Variants in ABCC9 observed in about 807,000 individuals in gnomAD.
ABCC9 encodes ATP binding cassette subfamily C member 9, also known as ATP-binding cassette sub-family C member 9.
Under a neutral mutation model 188.3 loss-of-function variants are expected in ABCC9, and 95 were observed. The ratio of observed to expected loss-of-function variants is 0.50; its 90% CI spans 0.43 to 0.60. The LOEUF (loss-of-function observed/expected upper bound fraction) is 0.60. ABCC9 is among the 20% of genes least tolerant of loss of function. The pLI, the probability that ABCC9 is intolerant of heterozygous loss-of-function variation, is 0.00. For synonymous variants in ABCC9, 659 were observed against 652.7 expected, an observed-to-expected ratio of 1.01 and a Z score of -0.15; for missense variants, 1,102 against 1,876.3, an observed-to-expected ratio of 0.59 and a Z score of 7.62.
Position 21,906,163 on chromosome 12 carries a change from A to T in ABCC9, c.1581T>A (p.Ser527=). 1.2e-6 allele frequency: 2 copies of T among 1,613,224 alleles called. No homozygotes were observed. The highest frequency in any genetic ancestry group is 1.1e-5 in the South Asian group (1 of 91,066). The change falls in exon 12 of 40, where the codon TCT becomes TCA. Residue 527 remains serine, a synonymous_variant. Transcript: ENST00000261200. The part of the protein sequence containing the change: ...SVEETRMKEL[S]SLKTFALYTS... ...TATATAGTGCAAAGGTTTTGAGACT[A>T]GATAGTTCTTTCATTCTTGTTTCCT... is the stretch of plus-strand genomic sequence containing the variant.
At chr12:21,817,676 C>T (rs1194496540) in intron 32 of ABCC9, among the ~76,000 whole-genome samples, 1 of 152,164 alleles carries the variant, frequency 6.6e-6, no homozygotes, top group African/African-American at 2.4e-5. Context: ...GGAGAGTACT[C>T]TGACCACAAG....
In ABCC9 at chr12:21,799,408, G is replaced by C. The variant is rs1941328841; in HGVS notation, c.*1636C>G. ...TTTTAGGAGAGTGGTTGAATTTTTA[G>C]AAAATATTTGCAAGACATAATTAAT... On this transcript the variant is annotated 3_prime_UTR_variant, in exon 40 of 40. Transcript: ENST00000261200. The C allele has an allele frequency of 6.6e-6, 1 of 152,050 alleles. No homozygotes were observed. The highest frequency in any genetic ancestry group is 2.4e-5 in the African/African-American group (1 of 41,418). The allele number at this position is 152,050 out of a possible 1,614,324, so 9.4% of individuals were successfully genotyped here. A position where few individuals can be genotyped will look rare whatever the true frequency, so the allele number is the denominator to read the frequency against.
chr12:21,910,405 T>G, intron 9 of ABCC9, 93 bp from the exon 10 acceptor site: 4 of 1,304,332 alleles, frequency 3.1e-6, no homozygotes, highest in Non-Finnish European at 4.2e-6. Context: ...AACATTTAAT[T>G]TTTTTGAGAA....
At chr12:21,882,691 C>G in intron 16 of ABCC9, 75 bp downstream of exon 16, 1 of 1,342,192 alleles carries the variant, frequency 7.5e-7, no homozygotes, top group Non-Finnish European at 1.1e-6. Context: ...ATTTGGGACA[C>G]TTTCACAGAA....
chr12:21,861,921 A>G (rs1243283713), intron 20 of ABCC9, among the ~76,000 whole-genome samples: 2 of 152,138 alleles, frequency 1.3e-5, no homozygotes, highest in East Asian at 3.9e-4. Flanking sequence ...CCTCAAGTTC[A>G]TATAAGGCTG....
intron 36 of ABCC9, among the ~76,000 whole-genome samples, chr12:21,811,402 T>C (rs1048742318): frequency 6.6e-6 from 1 of 152,116 alleles, no homozygotes; most frequent in Non-Finnish European, 1.5e-5. Context: ...CAAACTTCAG[T>C]TGGAATAGCA....
At chr12:21,879,656 A>T (rs1439587608) in intron 16 of ABCC9, among the ~76,000 whole-genome samples, 6 of 152,128 alleles carry the variant, frequency 3.9e-5, no homozygotes. Context: ...GGCAGGGCAC[A>T]CACAGACCAT....
intron 22 of ABCC9, among the ~76,000 whole-genome samples, chr12:21,853,434 A>G (rs564527271): frequency 6.6e-6 from 1 of 152,234 alleles, no homozygotes; most frequent in African/African-American, 2.4e-5. Flanking sequence ...TTAGTATGGT[A>G]GTGGGTATAT....
intron 5 of ABCC9, chr12:21,924,122 A>G (rs1948953819): frequency 3.0e-6 from 1 of 335,294 alleles, no homozygotes; most frequent in Admixed American, 4.7e-5. Flanking sequence ...TGAGTATAAG[A>G]AAATTTGCAT....
chr12:21,906,722 T>C (rs1421426543), intron 11 of ABCC9, among the ~76,000 whole-genome samples: 1 of 152,114 alleles, frequency 6.6e-6, no homozygotes, highest in Non-Finnish European at 1.5e-5. Flanking sequence ...TAAGAAAAGT[T>C]AGTGGGCTTC....
rs548374474 is a variant in ABCC9, at chr12:21,811,091, C to G, written c.4211+958G>C. Among the ~76,000 whole-genome samples, 9 of 152,248 alleles carry G rather than the reference C, an allele frequency of 5.9e-5. No individual in the cohort carries two copies. In the South Asian group the frequency reaches 1.9e-3, roughly 32 times the overall value. ...GGGACCTGGTGGGAGCTGATTAGAT[C>G]ACTGGGGCAGTTTCCCCCATGCTGT... On this transcript the variant is annotated intron_variant, in intron 36 of 39. Transcript: ENST00000261200.
Position 21,913,069 on chromosome 12 carries a change from G to GA in ABCC9, c.817-4dup, listed in dbSNP as rs1592219012. The GA allele has an allele frequency of 7.9e-6, 12 of 1,511,742 alleles. No homozygotes were observed. Among genetic ancestry groups the GA allele is most frequent in the Admixed American group, 6.4e-5 (3 of 46,878 alleles). The allele number at this position is 1,511,742 out of a possible 1,614,324, so 93.6% of individuals were successfully genotyped here. Reference sequence around the variant, plus strand: ...TTTGGATGATCTGCAACTTTTTTCTGAAGAAAAAAAAAAGAAAAAAAAAAC... The same window carrying GA: ...TTTGGATGATCTGCAACTTTTTTCTGAAAGAAAAAAAAAAGAAAAAAAAAAC... On this transcript the variant is annotated splice_region_variant and splice_polypyrimidine_tract_variant and intron_variant, in intron 7 of 39. Coordinates refer to ENST00000261200, the MANE Select transcript of ABCC9 (RefSeq NM_020297.4).
chr12:21,822,160 A>G (rs1162389552), intron 31 of ABCC9, among the ~76,000 whole-genome samples: 1 of 152,158 alleles, frequency 6.6e-6, no homozygotes, highest in Non-Finnish European at 1.5e-5. Flanking sequence ...TTGAAAGCCA[A>G]TATATCTGTA....
intron 4 of ABCC9, among the ~76,000 whole-genome samples, chr12:21,928,134 C>T (rs117769801): frequency 6.6e-6 from 1 of 151,420 alleles, no homozygotes; most frequent in Non-Finnish European, 1.5e-5. Flanking sequence ...GCAGGAGGAT[C>T]GCTTGGACCT....
In ABCC9 at chr12:21,915,660, T is replaced by C. The variant is rs775621943; in HGVS notation, c.816+8A>G. 5 of 1,611,716 alleles carry C rather than the reference T, an allele frequency of 3.1e-6. No homozygotes were observed. The East Asian group carries it at 8.9e-5, about 29-fold the overall frequency. ...AATTAAGCACATGGAAGACAGACGC[T>C]AAATCACCTTTTGTTCTTCATATGC... On this transcript the variant is annotated splice_region_variant and intron_variant, in intron 7 of 39. Transcript: ENST00000261200.
Position 21,842,466 on chromosome 12 carries a change from G to A in ABCC9, c.3321C>T (p.Ile1107=), listed in dbSNP as rs35404804. The A allele has an allele frequency of 2.1e-3, 3,403 of 1,613,962 alleles. 58 individuals are homozygous for A. The African/African-American group carries it at 0.04, about 19-fold the overall frequency. Residue 1107 remains isoleucine (I), a synonymous_variant, in exon 29 of 40, where the codon ATC becomes ATT. Coordinates refer to ENST00000261200, the MANE Select transcript of ABCC9 (RefSeq NM_020297.4). ...SADTNIIDQH[I]PPTLESLTRS... ...GAGTTAGAGATTCCAAGGTTGGAGG[G>A]ATGTGCTATTAGGGTAGTTTAAAAG...
intron 12 of ABCC9, among the ~76,000 whole-genome samples, chr12:21,899,585 A>C (rs1947609400): frequency 6.6e-6 from 1 of 152,172 alleles, no homozygotes; most frequent in Non-Finnish European, 1.5e-5. Context: ...GACAGACGGC[A>C]CCTGGAAAAT....
chr12:21,881,407 G>C (rs1221749100), intron 16 of ABCC9, among the ~76,000 whole-genome samples: 1 of 152,126 alleles, frequency 6.6e-6, no homozygotes, highest in African/African-American at 2.4e-5. Flanking sequence ...TTGATAAGCA[G>C]CTATTTTTCT....
chr12:21,840,967 C>T (rs1944351535), intron 29 of ABCC9, among the ~76,000 whole-genome samples: 1 of 152,202 alleles, frequency 6.6e-6, no homozygotes, highest in Admixed American at 6.5e-5. Flanking sequence ...TTTCAATTTT[C>T]TGAATAAACT....
Sources: allele counts gnomAD v4.1 joint callset (sites outside exome capture counted in the v4.1 genomes callset), GRCh38; gene constraint gnomAD v4.1.1; transcripts MANE v1.5; gene names NCBI Gene and HGNC (gene_info 2026-07-23, HGNC 2026-07-21).